Variants in NEXN observed in about 807,000 individuals in gnomAD.
NEXN encodes nexilin F-actin binding protein.
In NEXN, 65 loss-of-function variants were observed where a neutral mutation model predicts 92.6. That is an observed-to-expected ratio of 0.70 (90% confidence interval 0.57 to 0.86). The LOEUF is 0.86. Ranked by LOEUF, NEXN falls within the 40% of genes least tolerant of loss-of-function variation. NEXN has a pLI of 0.00. For synonymous variants in NEXN, 254 were observed against 242.5 expected, an observed-to-expected ratio of 1.05 and a Z score of -0.44; for missense variants, 778 against 771.1, an observed-to-expected ratio of 1.01 and a Z score of -0.11.
At chr1:77,933,904 T>G (rs2102148687) in intron 10 of NEXN, among the ~76,000 whole-genome samples, 1 of 152,250 alleles carries the variant, frequency 6.6e-6, no homozygotes, top group South Asian at 2.1e-4. Context: ...GGTGTGAACA[T>G]GGCTCACTGC....
Position 77,907,361 on chromosome 1 carries a change from G to A in NEXN, c.-52-8694G>A, listed in dbSNP as rs540358375. Among the ~76,000 whole-genome samples, 6 of 152,296 alleles carry A rather than the reference G, an allele frequency of 3.9e-5. No homozygotes were observed. In the South Asian group the frequency reaches 1.0e-3, roughly 26 times the overall value. ...TCTTATATGTATTTACAGTGTCTACGTAATTATGAAGTTTTTTCTCCAACA... is the reference window on the plus strand; with the variant it reads ...TCTTATATGTATTTACAGTGTCTACATAATTATGAAGTTTTTTCTCCAACA... On this transcript the variant is annotated intron_variant, in intron 1 of 12. Transcript: ENST00000334785.
chr1:77,935,963 G>C lies in NEXN; in HGVS notation c.1392G>C (p.Gln464His). ...GACAGTTGTCTGAAAAAGAAATACA[G>C]AAAAAAATAGAAGAAGAGCGAGCAA... ...KIGQLSEKEI[Q>H]KKIEEERARR... Residue 464 changes from glutamine (Q) to histidine (H), a missense_variant, in exon 11 of 13, where the codon CAG (glutamine) becomes CAC (histidine). Around this residue, in one of 3 missense-constraint regions of NEXN, gnomAD observed 532 missense variants for 476.7 expected, o/e 1.12. Coordinates refer to ENST00000334785, the MANE Select transcript of NEXN (RefSeq NM_144573.4). 1 of 1,613,698 alleles carries C rather than the reference G, an allele frequency of 6.2e-7. No homozygotes were observed. The highest frequency in any genetic ancestry group is 8.5e-7 in the Non-Finnish European group (1 of 1,179,888).
intron 2 of NEXN, among the ~76,000 whole-genome samples, chr1:77,917,130 C>G (rs1649040718): frequency 6.6e-6 from 1 of 152,070 alleles, no homozygotes; most frequent in South Asian, 2.1e-4. Context: ...AACTTTAAAG[C>G]CTAAACTTTT....
chr1:77,896,272 C>A (rs1647251111), intron 1 of NEXN, among the ~76,000 whole-genome samples: 1 of 152,122 alleles, frequency 6.6e-6, no homozygotes, highest in African/African-American at 2.4e-5. Flanking sequence ...AATTTAATCT[C>A]CAGTTAATGG....
At chr1:77,917,924 G>T (rs1330161997) in intron 3 of NEXN, 36 bp from the exon 4 acceptor site, 4 of 1,553,546 alleles carry the variant, frequency 2.6e-6, no homozygotes, top group East Asian at 4.5e-5. Context: ...TCTAATTTTT[G>T]GACATGTGCT....
Position 77,917,624 on chromosome 1 carries a change from G to C in NEXN, c.86G>C (p.Gly29Ala). 10 of 1,613,484 alleles carry C rather than the reference G, an allele frequency of 6.2e-6. No individual in the cohort carries two copies. The highest frequency in any genetic ancestry group is 8.5e-6 in the Non-Finnish European group (10 of 1,179,732). Residue 29 changes from glycine (G) to alanine (A), a missense_variant, in exon 3 of 13, where the codon GGT becomes GCT. Physicochemically the swap from Gly to Ala is moderately conservative, Grantham distance 60. Transcript: ENST00000334785. ...ACCTATGTACCAAAACTTGGCAAGG[G>C]TGATGTAAAGGATAAGTTTGAAGCC... is the stretch of plus-strand genomic sequence containing the variant. ...PKTYVPKLGK[G>A]DVKDKFEAMQ...
intron 11 of NEXN, among the ~76,000 whole-genome samples, chr1:77,938,151 G>C (rs1024576804): frequency 2.6e-5 from 4 of 152,168 alleles, no homozygotes; most frequent in African/African-American, 7.2e-5. Flanking sequence ...GAGATGCTGT[G>C]AAACATCAAC....
At chr1:77,916,213 G>A (rs1648964608) in intron 2 of NEXN, 80 bp downstream of exon 2, 5 of 1,097,720 alleles carry the variant, frequency 4.6e-6, no homozygotes, top group Non-Finnish European at 6.7e-6. Context: ...ACAGTCATTT[G>A]GTGGAAAGGT....
intron 8 of NEXN, among the ~76,000 whole-genome samples, chr1:77,929,026 G>A (rs763081842): frequency 1.6e-3 from 250 of 152,306 alleles, no homozygotes; most frequent in Non-Finnish European, 2.3e-3. Context: ...AATTACAGGC[G>A]TGAGCCGCCA....
chr1:77,895,548 G>C (rs940431824), intron 1 of NEXN, among the ~76,000 whole-genome samples: 1 of 152,076 alleles, frequency 6.6e-6, no homozygotes, highest in African/African-American at 2.4e-5. Context: ...GTAGCATATA[G>C]TTAAGTATTA....
At chr1:77,911,545 T>C (rs1648575876) in intron 1 of NEXN, among the ~76,000 whole-genome samples, 2 of 151,426 alleles carry the variant, frequency 1.3e-5, no homozygotes, top group African/African-American at 4.9e-5. Flanking sequence ...TGAGCCGAGA[T>C]TGCACCATTG....
chr1:77,921,189 C>T (rs1289884301), intron 5 of NEXN, among the ~76,000 whole-genome samples: 1 of 152,072 alleles, frequency 6.6e-6, no homozygotes, highest in Admixed American at 6.6e-5. Context: ...TAAAAACAGA[C>T]AGACAAACAA....
At chr1:77,919,574 GGTCA>G (rs903580264) in intron 5 of NEXN, among the ~76,000 whole-genome samples, 1 of 150,416 alleles carries the variant, frequency 6.6e-6, no homozygotes, top group Non-Finnish European at 1.5e-5. Flanking sequence ...AAATCCAGCA[GGTCA>G]GTCATTTTTT....
intron 1 of NEXN, among the ~76,000 whole-genome samples, chr1:77,915,320 T>C (rs1027638935): frequency 1.3e-5 from 2 of 151,552 alleles, no homozygotes; most frequent in African/African-American, 2.4e-5. Flanking sequence ...CTCTAAAAAA[T>C]AAATGTATAA....
At chr1:77,918,411 C>G (rs1649159244) in intron 5 of NEXN, 138 bp downstream of exon 5, 1 of 1,020,402 alleles carries the variant, frequency 9.8e-7, no homozygotes, top group African/African-American at 1.6e-5. Context: ...GGAATGGTGG[C>G]TCACCTCTGT....
chr1:77,907,622 C>G (rs1648212883), intron 1 of NEXN, among the ~76,000 whole-genome samples: 1 of 152,078 alleles, frequency 6.6e-6, no homozygotes, highest in African/African-American at 2.4e-5. Flanking sequence ...ACTAAAATGA[C>G]ATTTTAAAAA....
intron 11 of NEXN, among the ~76,000 whole-genome samples, chr1:77,939,011 AT>A (rs1651028807): frequency 6.6e-6 from 1 of 152,178 alleles, no homozygotes; most frequent in Non-Finnish European, 1.5e-5. Context: ...GTAATAAAAT[AT>A]TTATGTTTAT....
Position 77,942,843 on chromosome 1 carries a change from CTTTTA to C in NEXN, c.*17_*21del. ...AGTAAGAATTAATCACTCTTTTTATCTTTTATTCTATTAATTTTTTTTTCCTTAAA... is the reference window on the plus strand; with the variant it reads ...AGTAAGAATTAATCACTCTTTTTATCTTCTATTAATTTTTTTTTCCTTAAA... On this transcript the variant is annotated 3_prime_UTR_variant, in exon 13 of 13. Coordinates refer to ENST00000334785, the MANE Select transcript of NEXN (RefSeq NM_144573.4). The C allele has an allele frequency of 6.3e-7, 1 of 1,589,890 alleles. No homozygotes were observed. Among genetic ancestry groups the C allele is most frequent in the Non-Finnish European group, 8.6e-7 (1 of 1,164,740 alleles).
rs1331933205 is a variant in NEXN, at chr1:77,928,199, C to T, written c.865-1117C>T. 3.3e-5 allele frequency among the ~76,000 whole-genome samples: 5 copies of T among 151,624 alleles called. No homozygotes were observed. In the East Asian group the frequency reaches 5.8e-4, roughly 18 times the overall value. ...TGGTGGCACAGACCTGTAGTCCAAGCTCCCCGGGTGCTGAGGCGAGAGGAT... is the reference window on the plus strand; with the variant it reads ...TGGTGGCACAGACCTGTAGTCCAAGTTCCCCGGGTGCTGAGGCGAGAGGAT... On this transcript the variant is annotated intron_variant, in intron 8 of 12. Coordinates refer to ENST00000334785, the MANE Select transcript of NEXN (RefSeq NM_144573.4).
Sources: allele counts gnomAD v4.1 joint callset (sites outside exome capture counted in the v4.1 genomes callset), GRCh38; gene constraint gnomAD v4.1.1; regional missense constraint gnomAD v4.1.1; transcripts MANE v1.5; gene names NCBI Gene and HGNC (gene_info 2026-07-23, HGNC 2026-07-21).